Variants in GRIP1 observed in about 807,000 individuals in gnomAD.
GRIP1 encodes glutamate receptor interacting protein 1, also known as glutamate receptor-interacting protein 1.
A neutral mutation model predicts 129.9 loss-of-function variants in GRIP1; 45 were observed. The ratio of observed to expected loss-of-function variants is 0.35; its 90% confidence interval spans 0.27 to 0.44. GRIP1 has a LOEUF of 0.44. Among genes scored for constraint, GRIP1 ranks in the 20% least tolerant of loss-of-function variants. The pLI is 1.00. For synonymous variants in GRIP1, 530 were observed against 520.8 expected (o/e 1.02, Z -0.24); for missense variants, 1,196 against 1,396.8 (o/e 0.86, Z 2.29).
chr12:66,661,300 T>C (rs1565949428), intron 1 of GRIP1, among the ~76,000 whole-genome samples: 1 of 151,974 alleles, frequency 6.6e-6, no homozygotes, highest in Non-Finnish European at 1.5e-5. Context: ...ATTTAAGTCA[T>C]CTAAAATTTC....
intron 1 of GRIP1, among the ~76,000 whole-genome samples, chr12:66,820,764 T>C (rs1230966341): frequency 6.6e-6 from 1 of 151,432 alleles, no homozygotes; most frequent in African/African-American, 2.4e-5. Flanking sequence ...AAAGACTACA[T>C]AGTATGATTC....
chr12:66,379,006 G>A (rs980520078), intron 20 of GRIP1, among the ~76,000 whole-genome samples: 12 of 152,104 alleles, frequency 7.9e-5, no homozygotes, highest in African/African-American at 2.4e-4. Flanking sequence ...CTTGTCATAA[G>A]GAAGGGAGTG....
intron 15 of GRIP1, among the ~76,000 whole-genome samples, chr12:66,420,069 C>T (rs768819538): frequency 6.6e-6 from 1 of 152,026 alleles, no homozygotes; most frequent in Non-Finnish European, 1.5e-5. Context: ...TGCACTCCAG[C>T]GTGGGTGATA....
intron 1 of GRIP1, among the ~76,000 whole-genome samples, chr12:66,916,102 T>C (rs943054766): frequency 7.2e-5 from 11 of 152,232 alleles, no homozygotes; most frequent in African/African-American, 2.7e-4. Flanking sequence ...GTGGAGCCTA[T>C]GGGTCCTAAG....
chr12:66,853,059 CATG>C (rs1764265065), intron 1 of GRIP1, among the ~76,000 whole-genome samples: 1 of 151,716 alleles, frequency 6.6e-6, no homozygotes, highest in South Asian at 2.1e-4. Context: ...CCTCAATAAG[CATG>C]AAAAGTAACA....
At chr12:66,953,190 G>C (rs1300427727) in intron 1 of GRIP1, among the ~76,000 whole-genome samples, 1 of 152,200 alleles carries the variant, frequency 6.6e-6, no homozygotes, top group African/African-American at 2.4e-5. Context: ...TATTTATTGA[G>C]TGTCTACCAT....
intron 1 of GRIP1, among the ~76,000 whole-genome samples, chr12:66,841,625 C>T (rs992389787): frequency 3.3e-5 from 5 of 152,164 alleles, no homozygotes; most frequent in African/African-American, 1.2e-4. Flanking sequence ...CAGTCTCCTG[C>T]CTTTGTAAGC....
chr12:66,541,873 T>C lies in GRIP1; in HGVS notation c.214A>G (p.Ile72Val), dbSNP rs781228955. ...TTLGLTVSGG[I>V]DKDGKPRVSN... is the part of the protein sequence containing the mutation. ...ACTCTTGGCTTGCCATCCTTATCAA[T>C]TCCTCCCGATACCGTCAGACCCAGG... Residue 72 changes from isoleucine to valine, a missense_variant, in exon 3 of 25, where the codon ATT becomes GTT. This residue lies in a region of GRIP1 where 217 missense variants were observed against 224.8 expected (regional missense o/e 0.97). Transcript: ENST00000359742. 4 of 1,613,968 alleles carry C rather than the reference T, an allele frequency of 2.5e-6. No homozygotes were observed. In the South Asian group the frequency reaches 4.4e-5, roughly 18 times the overall value.
Position 66,529,700 on chromosome 12 carries a change from T to C in GRIP1, c.502+131A>G, listed in dbSNP as rs2061380864. 5.7e-6 allele frequency: 4 copies of C among 702,708 alleles called. No homozygotes were observed. The East Asian group carries it at 1.0e-4, about 18-fold the overall frequency. The allele number at this position is 702,708 out of a possible 1,614,324, so 43.5% of individuals were successfully genotyped here. A position where few individuals can be genotyped will look rare whatever the true frequency, so the allele number is the denominator to read the frequency against. On this transcript the variant is annotated intron_variant, in intron 5 of 24. Transcript: ENST00000359742. ...GGTTCAGTGTATACTGCTCGGGTCG[T>C]GGGTGCACCAAAATCTCACAAATCA...
intron 1 of GRIP1, among the ~76,000 whole-genome samples, chr12:67,003,435 T>A (rs2042580917): frequency 6.6e-6 from 1 of 152,178 alleles, no homozygotes. Context: ...CTCATGCCTG[T>A]AATTCCAGCA....
chr12:66,379,151 A>G, intron 20 of GRIP1, 129 bp downstream of exon 20: 6 of 1,053,930 alleles, frequency 5.7e-6, no homozygotes, highest in Non-Finnish European at 8.9e-6. Context: ...TGTGGCCAGC[A>G]TGGATGATTA....
intron 1 of GRIP1, among the ~76,000 whole-genome samples, chr12:66,658,956 GAAC>G (rs541002705): frequency 2.7e-5 from 4 of 150,884 alleles, no homozygotes; most frequent in South Asian, 4.3e-4. Flanking sequence ...AAAAACAAAC[GAAC>G]AACAACAACA....
intron 1 of GRIP1, among the ~76,000 whole-genome samples, chr12:66,957,711 G>A (rs1382963398): frequency 6.6e-6 from 1 of 152,140 alleles, no homozygotes; most frequent in Non-Finnish European, 1.5e-5. Flanking sequence ...TTCACATTAA[G>A]AGCACCTACT....
intron 1 of GRIP1, among the ~76,000 whole-genome samples, chr12:66,842,278 A>G (rs971876496): frequency 1.3e-5 from 2 of 152,036 alleles, no homozygotes; most frequent in African/African-American, 4.8e-5. Context: ...ATAATTTTAT[A>G]TCCTATATAA....
chr12:66,902,227 C>G (rs530349282), intron 1 of GRIP1, among the ~76,000 whole-genome samples: 8 of 152,322 alleles, frequency 5.3e-5, no homozygotes, highest in African/African-American at 1.9e-4. Context: ...CCCCAGACTT[C>G]TTTCCCACTC....
intron 7 of GRIP1, among the ~76,000 whole-genome samples, chr12:66,475,921 G>A (rs543122377): frequency 3.2e-4 from 48 of 151,010 alleles, no homozygotes; most frequent in African/African-American, 1.0e-3. Flanking sequence ...AAAATGACAC[G>A]CTAAAATGTG....
At chr12:66,705,841 C>T (rs374497931) in intron 1 of GRIP1, among the ~76,000 whole-genome samples, 86 of 152,230 alleles carry the variant, frequency 5.6e-4, no homozygotes, top group Middle Eastern at 3.4e-3. Context: ...GTTAGGAAAA[C>T]TGGCTAGCCA....
chr12:66,907,654 T>TA (rs1207995830), intron 1 of GRIP1, among the ~76,000 whole-genome samples: 3 of 152,108 alleles, frequency 2.0e-5, no homozygotes, highest in Non-Finnish European at 4.4e-5. Flanking sequence ...GCACTTGTCA[T>TA]ATTCCAGTAA....
intron 2 of GRIP1, among the ~76,000 whole-genome samples, chr12:66,578,232 G>GCTTTTT (rs1555210362): frequency 9.8e-6 from 1 of 102,514 alleles, no homozygotes; most frequent in Non-Finnish European, 1.9e-5. Flanking sequence ...CAAAACCGCG[G>GCTTTTT]TTTTTTTTTT....
Sources: gnomAD v4.1 joint callset for allele counts (sites outside exome capture counted in the v4.1 genomes callset) on GRCh38, gnomAD v4.1.1 for gene constraint, gnomAD v4.1.1 regional missense constraint, MANE v1.5 for transcripts, NCBI Gene and HGNC (gene_info 2026-07-23, HGNC 2026-07-21) for gene names.